SNX13: variants seen among roughly 807,000 people sequenced by gnomAD.
SNX13 encodes sorting nexin-13.
A neutral mutation model predicts 133.6 loss-of-function variants in SNX13; 45 were observed. The observed-to-expected ratio is 0.34, with a 90% confidence interval of 0.27 to 0.43. SNX13 has a LOEUF of 0.43. Among genes scored for constraint, SNX13 ranks in the 20% least tolerant of loss-of-function variants. The pLI is 1.00. For missense variants in SNX13, 1,032 were observed against 1,145.1 expected, an observed-to-expected ratio of 0.90 and a Z score of 1.43; for synonymous variants, 414 against 373.9, an observed-to-expected ratio of 1.11 and a Z score of -1.24.
chr7:17,890,159 T>A (rs933293030), intron 5 of SNX13: 2 of 414,456 alleles, frequency 4.8e-6, no homozygotes, highest in Admixed American at 4.3e-5. Flanking sequence ...TTAATCAAAA[T>A]AACATTCTGT....
Position 17,797,007 on chromosome 7 carries a change from A to T in SNX13, c.2514-68T>A, listed in dbSNP as rs1431139551. On this transcript the variant is annotated intron_variant, in intron 24 of 25. Coordinates refer to ENST00000428135, the MANE Select transcript of SNX13 (RefSeq NM_015132.5). ...TCTAATGATACAAGTTGATAAAATT[A>T]TTTCAAATTTCTACAGAAAATACAA... is the stretch of plus-strand genomic sequence containing the variant. 2.6e-6 allele frequency: 3 copies of T among 1,166,338 alleles called. No homozygotes were observed. In the African/African-American group the frequency reaches 4.6e-5, roughly 18 times the overall value. The allele number at this position is 1,166,338 out of a possible 1,614,324, so 72.2% of individuals were successfully genotyped here. A position where few individuals can be genotyped will look rare whatever the true frequency, so the allele number is the denominator to read the frequency against.
intron 1 of SNX13, among the ~76,000 whole-genome samples, chr7:17,912,693 T>G (rs1387253822): frequency 6.6e-6 from 1 of 152,214 alleles, no homozygotes; most frequent in Non-Finnish European, 1.5e-5. Context: ...ATTACAGGCT[T>G]GAGCTACCAC....
At chr7:17,925,778 A>G (rs143362500) in intron 1 of SNX13, among the ~76,000 whole-genome samples, 2,196 of 151,058 alleles carry the variant, frequency 0.015, 21 homozygotes, top group Non-Finnish European at 0.022. Flanking sequence ...GAGGACGAAG[A>G]AGGGGAAAAA....
At chr7:17,794,597 ATACT>A in intron 25 of SNX13, 1 of 222,162 alleles carries the variant, frequency 4.5e-6, no homozygotes, top group Non-Finnish European at 8.8e-6. Flanking sequence ...TACCCATGTG[ATACT>A]TACCCACCAC....
intron 9 of SNX13, among the ~76,000 whole-genome samples, chr7:17,853,454 T>A (rs12531502): frequency 0.043 from 6,606 of 152,222 alleles, 207 homozygotes; most frequent in South Asian, 0.068. Context: ...AAAGATGCAT[T>A]ACATAGAGGG....
intron 24 of SNX13, among the ~76,000 whole-genome samples, chr7:17,797,399 A>G (rs961782414): frequency 1.5e-4 from 23 of 151,822 alleles, no homozygotes; most frequent in African/African-American, 5.3e-4. Context: ...TAAGCCCACA[A>G]CTTACAGATG....
intron 4 of SNX13, 77 bp from the exon 5 acceptor site, chr7:17,890,561 G>A: frequency 9.1e-7 from 1 of 1,097,572 alleles, no homozygotes; most frequent in East Asian, 2.5e-5. Context: ...AAAAAAGTAT[G>A]CTGTATCTAC....
intron 1 of SNX13, among the ~76,000 whole-genome samples, chr7:17,908,039 T>C (rs1426855676): frequency 1.3e-5 from 2 of 152,158 alleles, no homozygotes; most frequent in African/African-American, 4.8e-5. Context: ...GTCATAAAGA[T>C]CATAAACTTA....
chr7:17,844,269 T>C (rs942822057), intron 12 of SNX13, among the ~76,000 whole-genome samples: 1 of 151,918 alleles, frequency 6.6e-6, no homozygotes, highest in Non-Finnish European at 1.5e-5. Context: ...AAAAGTACTA[T>C]GAACAATTGT....
chr7:17,842,455 T>G (rs1159327379), intron 12 of SNX13, among the ~76,000 whole-genome samples: 1 of 152,016 alleles, frequency 6.6e-6, no homozygotes, highest in African/African-American at 2.4e-5. Flanking sequence ...CAAAATGTGC[T>G]GAAGGGTAAA....
chr7:17,916,240 CA>C (rs1383666228), intron 1 of SNX13, among the ~76,000 whole-genome samples: 2 of 151,916 alleles, frequency 1.3e-5, no homozygotes, highest in Non-Finnish European at 2.9e-5. Context: ...ACTAGAAAAA[CA>C]AAAACAAACT....
In SNX13 at chr7:17,940,432, G is replaced by A; in HGVS notation, c.-137C>T. ...CTTCTCCCGGGCGGCGGTTTTACTC[G>A]GCTTCGCTGGCCTCCCCTCGGCCCG... is the stretch of plus-strand genomic sequence containing the variant. On this transcript the variant is annotated 5_prime_UTR_variant, in exon 1 of 26. The change creates a premature stop within an existing upstream ORF in the 5' untranslated region. Coordinates refer to ENST00000428135, the MANE Select transcript of SNX13 (RefSeq NM_015132.5). 2 of 962,474 alleles carry A rather than the reference G, an allele frequency of 2.1e-6. No homozygotes were observed. The highest frequency in any genetic ancestry group is 3.2e-6 in the Non-Finnish European group (2 of 619,310). 59.6% of individuals were successfully genotyped at this position (962,474 alleles called of 1,614,324 possible). A position where few individuals can be genotyped will look rare whatever the true frequency, so the allele number is the denominator to read the frequency against.
intron 5 of SNX13, chr7:17,888,617 C>T (rs1796274586): frequency 2.2e-6 from 1 of 463,092 alleles, no homozygotes; most frequent in Admixed American, 2.4e-5. Context: ...GGCATAAAAA[C>T]TTAAATTTCT....
chr7:17,897,975 A>G (rs553206991), intron 1 of SNX13: 1 of 152,222 alleles, frequency 6.6e-6, no homozygotes, highest in East Asian at 1.9e-4. Flanking sequence ...TACTCAAATT[A>G]CGTATAGAAA....
At chr7:17,898,352 A>G (rs903079296) in intron 1 of SNX13, 3 of 152,208 alleles carry the variant, frequency 2.0e-5, no homozygotes, top group South Asian at 2.1e-4. Flanking sequence ...AATAGAAAGC[A>G]TTATAAGATG....
At chr7:17,892,723 T>C (rs948898495) in intron 3 of SNX13, among the ~76,000 whole-genome samples, 3 of 152,134 alleles carry the variant, frequency 2.0e-5, no homozygotes, top group Non-Finnish European at 4.4e-5. Context: ...AAAGTTGTTA[T>C]TAGCATCAAC....
At chr7:17,829,945 G>T in intron 16 of SNX13, 65 bp downstream of exon 16, 1 of 1,189,770 alleles carries the variant, frequency 8.4e-7, no homozygotes, top group Non-Finnish European at 1.2e-6. Flanking sequence ...ATTTATATAT[G>T]TTAAGGCTCA....
At chr7:17,830,091 A>G in intron 15 of SNX13, 44 bp from the exon 16 acceptor site, 2 of 1,468,076 alleles carry the variant, frequency 1.4e-6, no homozygotes, top group Non-Finnish European at 1.8e-6. Flanking sequence ...AAAAACTTTA[A>G]AACGGTTGCT....
At chr7:17,823,712 G>C (rs1787560427) in intron 17 of SNX13, among the ~76,000 whole-genome samples, 2 of 152,116 alleles carry the variant, frequency 1.3e-5, no homozygotes, top group South Asian at 4.1e-4. Context: ...AAATTAAACA[G>C]CACAACACGT....
Sources: allele counts gnomAD v4.1 joint callset (sites outside exome capture counted in the v4.1 genomes callset), GRCh38; gene constraint gnomAD v4.1.1; transcripts MANE v1.5; gene names NCBI Gene and HGNC (gene_info 2026-07-23, HGNC 2026-07-21).